Variants in PEAK1 observed in about 807,000 individuals in gnomAD.
PEAK1 encodes inactive tyrosine-protein kinase PEAK1.
In PEAK1, 54 loss-of-function variants were observed where a neutral mutation model predicts 124.7. The observed-to-expected ratio is 0.43, with a 90% CI of 0.35 to 0.54. The LOEUF is 0.54. PEAK1 is among the 20% of genes least tolerant of loss of function. The pLI is 0.01. For synonymous variants in PEAK1, 719 were observed against 760.0 expected (o/e 0.95, Z 0.89); for missense variants, 2,046 against 2,134.5 (o/e 0.96, Z 0.82).
intron 8 of PEAK1, among the ~76,000 whole-genome samples, chr15:77,143,722 T>A (rs925579201): frequency 3.9e-5 from 6 of 152,198 alleles, no homozygotes; most frequent in Non-Finnish European, 7.3e-5. Context: ...CTCCCCAGAA[T>A]TGACCTTTCT....
intron 2 of PEAK1, among the ~76,000 whole-genome samples, chr15:77,304,525 T>C (rs1008819262): frequency 4.0e-4 from 57 of 143,200 alleles, no homozygotes; most frequent in African/African-American, 1.4e-3. Context: ...CTCTGCTCAC[T>C]GCAAGCTCTG....
chr15:77,317,279 T>C (rs538210809), intron 2 of PEAK1, among the ~76,000 whole-genome samples: 2 of 152,254 alleles, frequency 1.3e-5, no homozygotes, highest in South Asian at 2.1e-4. Flanking sequence ...TTATTAAGTA[T>C]GCATTATTTT....
At chr15:77,289,610 C>T (rs1449539428) in intron 2 of PEAK1, among the ~76,000 whole-genome samples, 2 of 152,120 alleles carry the variant, frequency 1.3e-5, no homozygotes, top group African/African-American at 2.4e-5. Flanking sequence ...CCGAGGCTGG[C>T]GGATCACCTG....
At chr15:77,187,597 TA>T (rs1297764069) in intron 6 of PEAK1, among the ~76,000 whole-genome samples, 2 of 152,146 alleles carry the variant, frequency 1.3e-5, no homozygotes, top group African/African-American at 4.8e-5. Context: ...CAGCATTTCC[TA>T]AAGGCACCCA....
intron 6 of PEAK1, among the ~76,000 whole-genome samples, chr15:77,245,640 A>C (rs2060548682): frequency 6.6e-6 from 1 of 152,176 alleles, no homozygotes; most frequent in Non-Finnish European, 1.5e-5. Context: ...CAGAGGCTGC[A>C]GTGAGCCAAG....
chr15:77,238,664 G>C (rs1233440041), intron 6 of PEAK1, among the ~76,000 whole-genome samples: 1 of 152,192 alleles, frequency 6.6e-6, no homozygotes, highest in East Asian at 1.9e-4. Context: ...ACAGTAGCAT[G>C]AGTCGGGGGA....
chr15:77,379,605 G>C (rs1057012778), intron 1 of PEAK1, among the ~76,000 whole-genome samples: 3 of 152,122 alleles, frequency 2.0e-5, no homozygotes. Flanking sequence ...TATTCTAGAA[G>C]TGTATATCTA....
At chr15:77,265,065 A>C (rs1467065425) in intron 5 of PEAK1, among the ~76,000 whole-genome samples, 2 of 152,190 alleles carry the variant, frequency 1.3e-5, no homozygotes, top group Admixed American at 6.5e-5. Flanking sequence ...TAGAAAGCTG[A>C]AACTGGATCC....
At chr15:77,177,787 T>C (rs2056975559) in intron 7 of PEAK1, 1 of 152,180 alleles carries the variant, frequency 6.6e-6, no homozygotes, top group Admixed American at 6.5e-5. Context: ...AGTTAATTCA[T>C]TTTGTTTACA....
intron 2 of PEAK1, among the ~76,000 whole-genome samples, chr15:77,311,469 A>C (rs2064438765): frequency 6.6e-6 from 1 of 152,116 alleles, no homozygotes; most frequent in Non-Finnish European, 1.5e-5. Flanking sequence ...TGAGGTCAGG[A>C]GTTCAAGTCT....
chr15:77,257,627 G>A (rs2061223796), intron 5 of PEAK1, among the ~76,000 whole-genome samples: 1 of 151,570 alleles, frequency 6.6e-6, no homozygotes, highest in Non-Finnish European at 1.5e-5. Flanking sequence ...CTGGATATTA[G>A]CCCTTTGTCA....
chr15:77,411,553 A>G (rs1216422652), intron 1 of PEAK1, among the ~76,000 whole-genome samples: 2 of 152,232 alleles, frequency 1.3e-5, no homozygotes, highest in Admixed American at 1.3e-4. Flanking sequence ...TAGCTGACAC[A>G]TATTTGAGTT....
Position 77,403,546 on chromosome 15 carries a change from A to T in PEAK1, c.-666+16460T>A, listed in dbSNP as rs368124681. 65 of 972,696 alleles carry T rather than the reference A, an allele frequency of 6.7e-5. 2 individuals carry two copies. In the East Asian group the frequency reaches 3.4e-3, roughly 51 times the overall value. The allele number at this position is 972,696 out of a possible 1,614,324, so 60.3% of individuals were successfully genotyped here. A position where few individuals can be genotyped will look rare whatever the true frequency, so the allele number is the denominator to read the frequency against. On this transcript the variant is annotated intron_variant, in intron 1 of 9. Coordinates refer to ENST00000682557, the MANE Select transcript of PEAK1 (RefSeq NM_001385026.1). ...AATAGCTTCCACTGGTAGCATATTT[A>T]TTTAGAAAGTTCTTTCACATATATT...
intron 9 of PEAK1, among the ~76,000 whole-genome samples, chr15:77,126,040 AAGCTT>A (rs2052347353): frequency 6.6e-6 from 1 of 152,232 alleles, no homozygotes; most frequent in Non-Finnish European, 1.5e-5. Flanking sequence ...TGTTTTCAAT[AAGCTT>A]AGTGTTTAAT....
intron 5 of PEAK1, among the ~76,000 whole-genome samples, chr15:77,274,604 C>A (rs1349984897): frequency 1.3e-5 from 2 of 151,676 alleles, no homozygotes; most frequent in African/African-American, 4.8e-5. Context: ...TAAAATAAAT[C>A]ATAATCAAAA....
At chr15:77,257,100 T>C (rs185752189) in intron 5 of PEAK1, among the ~76,000 whole-genome samples, 18 of 152,292 alleles carry the variant, frequency 1.2e-4, no homozygotes, top group African/African-American at 1.7e-4. Context: ...TGCATACGTG[T>C]CACATTTTCT....
intron 6 of PEAK1, among the ~76,000 whole-genome samples, chr15:77,187,428 C>A (rs902992789): frequency 1.3e-5 from 2 of 151,346 alleles, no homozygotes; most frequent in East Asian, 1.9e-4. Flanking sequence ...CAAAAAAAAA[C>A]CCCACAAAAA....
At chr15:77,313,751 T>TACTC (rs2064685618) in intron 2 of PEAK1, among the ~76,000 whole-genome samples, 1 of 139,770 alleles carries the variant, frequency 7.2e-6, no homozygotes, top group Non-Finnish European at 1.6e-5. Context: ...TTTATTTATT[T>TACTC]ATTTATTTTT....
rs1012691796 is a variant in PEAK1 at position 77,256,062 on chromosome 15, G to A, written c.-274-3536C>T. 3.3e-5 allele frequency among the ~76,000 whole-genome samples: 5 copies of A among 152,238 alleles called. No individual in the cohort carries two copies. The East Asian group carries it at 9.6e-4, about 29-fold the overall frequency. On this transcript the variant is annotated intron_variant, in intron 5 of 9. Transcript: ENST00000682557. ...GATAGCATGAAGTTAAATATAAGGT[G>A]AAGGGACTTTCTGTTCATGAGTACC...
Sources: allele counts gnomAD v4.1 joint callset (sites outside exome capture counted in the v4.1 genomes callset), GRCh38; gene constraint gnomAD v4.1.1; transcripts MANE v1.5; gene names NCBI Gene and HGNC (gene_info 2026-07-23, HGNC 2026-07-21).